SLC9A8: variants seen among roughly 807,000 people sequenced by gnomAD.
The protein encoded by SLC9A8 is solute carrier family 9 member A8.
A neutral mutation model predicts 66.6 loss-of-function variants in SLC9A8; 48 were observed. The ratio of observed to expected loss-of-function variants is 0.72; its 90% CI spans 0.57 to 0.92. The LOEUF (loss-of-function observed/expected upper bound fraction) is 0.92, where lower values mean the gene tolerates loss of function less well. Ranked by LOEUF, SLC9A8 falls within the 40% of genes least tolerant of loss-of-function variation. SLC9A8 has a pLI of 0.00. For missense variants in SLC9A8, 599 were observed against 747.3 expected, an observed-to-expected ratio of 0.80 and a Z score of 2.31; for synonymous variants, 274 against 282.6, an observed-to-expected ratio of 0.97 and a Z score of 0.31.
At chr20:49,868,214 T>G (rs2089054995) in intron 10 of SLC9A8, among the ~76,000 whole-genome samples, 1 of 152,076 alleles carries the variant, frequency 6.6e-6, no homozygotes, top group South Asian at 2.1e-4. Context: ...AATAAGGGAG[T>G]GTTTTTCTTA....
In SLC9A8 at chr20:49,812,908, TG is replaced by T; in HGVS notation, c.-13del. 1 of 1,491,780 alleles carries T rather than the reference TG, an allele frequency of 6.7e-7. No individual in the cohort carries two copies. The allele number at this position is 1,491,780 out of a possible 1,614,324, so 92.4% of individuals were successfully genotyped here. A position where few individuals can be genotyped will look rare whatever the true frequency, so the allele number is the denominator to read the frequency against. On this transcript the variant is annotated 5_prime_UTR_variant, in exon 1 of 16. Coordinates refer to ENST00000361573, the MANE Select transcript of SLC9A8 (RefSeq NM_015266.3). ...CCCGCGGCTCCGAACTCGGTGGTCC[TG>T]GAAGCTCCGCAGGATGGGGGAGAAG...
At chr20:49,850,487 G>A (rs895572246) in intron 6 of SLC9A8, among the ~76,000 whole-genome samples, 1 of 152,182 alleles carries the variant, frequency 6.6e-6, no homozygotes, top group Admixed American at 6.5e-5. Context: ...CTATATTGCA[G>A]CTTTGATGGC....
rs1303477369 is a variant in SLC9A8, at chr20:49,834,375, A to G, written c.290-5166A>G. Among the ~76,000 whole-genome samples the G allele has an allele frequency of 1.8e-4, 12 of 66,680 alleles. 1 individual carries two copies. The highest frequency in any genetic ancestry group is 1.4e-3 in the East Asian group (4 of 2,914). The allele number at this position is 66,680 out of a possible 152,430, so 43.7% of individuals were successfully genotyped here. ...GTATATATATATATACTGTGTATAT[A>G]TATATATACTGTGTATATATATATA... On this transcript the variant is annotated intron_variant, in intron 3 of 15. Transcript: ENST00000361573.
intron 13 of SLC9A8, 28 bp from the exon 14 acceptor site, chr20:49,883,818 T>G: frequency 2.5e-6 from 4 of 1,574,634 alleles, no homozygotes; most frequent in Non-Finnish European, 3.5e-6. Flanking sequence ...CTTCACTGTG[T>G]CCTCTCACAC....
chr20:49,861,741 G>A (rs1439848189), intron 8 of SLC9A8, among the ~76,000 whole-genome samples: 4 of 152,118 alleles, frequency 2.6e-5, no homozygotes, highest in Non-Finnish European at 2.9e-5. Context: ...TGGTGTAATG[G>A]TTTTATCTTT....
chr20:49,836,528 C>G (rs1461645022), intron 3 of SLC9A8, among the ~76,000 whole-genome samples: 1 of 152,104 alleles, frequency 6.6e-6, no homozygotes, highest in Non-Finnish European at 1.5e-5. Context: ...CGGGGTTTCA[C>G]CATGTTGTTC....
intron 13 of SLC9A8, among the ~76,000 whole-genome samples, chr20:49,882,253 A>G (rs1600812559): frequency 6.6e-6 from 1 of 151,718 alleles, no homozygotes; most frequent in Non-Finnish European, 1.5e-5. Flanking sequence ...CCACTTCTTC[A>G]CCGCCTGTCC....
rs934900451 is a variant in SLC9A8, at chr20:49,847,387, T to C, written c.433-2192T>C. ...GCATGTAAAGTTTTTCTTTTCTTTTTTTTTTTTTTTTTTAGAGGGGAGAGA... is the reference window on the plus strand; with the variant it reads ...GCATGTAAAGTTTTTCTTTTCTTTTCTTTTTTTTTTTTTAGAGGGGAGAGA... On this transcript the variant is annotated intron_variant, in intron 5 of 15. Transcript: ENST00000361573. Among the ~76,000 whole-genome samples, 70 of 150,834 alleles carry C rather than the reference T, an allele frequency of 4.6e-4. 1 individual carries two copies. The highest frequency in any genetic ancestry group is 1.5e-3 in the African/African-American group (61 of 41,384).
chr20:49,872,025 A>G (rs1013085453), intron 10 of SLC9A8, among the ~76,000 whole-genome samples: 4 of 152,174 alleles, frequency 2.6e-5, no homozygotes, highest in Non-Finnish European at 5.9e-5. Flanking sequence ...AGGTTGAGAC[A>G]GGAGAATCGC....
At chr20:49,851,181 C>T (rs868728776) in intron 7 of SLC9A8, among the ~76,000 whole-genome samples, 2 of 152,132 alleles carry the variant, frequency 1.3e-5, no homozygotes, top group South Asian at 2.1e-4. Flanking sequence ...TTTCAGTCGC[C>T]GTAACAAAAA....
intron 3 of SLC9A8, among the ~76,000 whole-genome samples, chr20:49,836,724 T>C (rs1250611477): frequency 6.6e-6 from 1 of 152,226 alleles, no homozygotes; most frequent in African/African-American, 2.4e-5. Flanking sequence ...GTAGAATTGC[T>C]GGGTCATAAG....
At position 49,845,657 on chromosome 20, in the gene SLC9A8, G is replaced by C. The variant is rs114613750; in HGVS notation, c.432+538G>C. On this transcript the variant is annotated intron_variant, in intron 5 of 15. Coordinates refer to ENST00000361573, the MANE Select transcript of SLC9A8 (RefSeq NM_015266.3). ...CTCTATCGCTCCTCGCCCACTCCCT[G>C]GTCCAGCTTCTCCTTCCCAGGCTGG... 3.1e-3 allele frequency among the ~76,000 whole-genome samples: 479 copies of C among 152,090 alleles called. 2 individuals carry two copies. The highest frequency in any genetic ancestry group is 0.011 in the African/African-American group (467 of 41,490).
intron 4 of SLC9A8, among the ~76,000 whole-genome samples, chr20:49,841,314 A>G (rs1348267383): frequency 1.3e-5 from 2 of 150,132 alleles, no homozygotes; most frequent in African/African-American, 2.4e-5. Context: ...CTGTCTCTAA[A>G]AAAAAAAAAA....
intron 8 of SLC9A8, among the ~76,000 whole-genome samples, chr20:49,860,742 A>G (rs565213718): frequency 6.6e-6 from 1 of 152,212 alleles, no homozygotes; most frequent in South Asian, 2.1e-4. Context: ...TAATAATAAA[A>G]TGATATCGAT....
intron 3 of SLC9A8, chr20:49,830,620 T>A: frequency 1.6e-6 from 1 of 616,190 alleles, no homozygotes; most frequent in Non-Finnish European, 2.9e-6. Context: ...AATCACAGAA[T>A]GTTGGTGATC....
chr20:49,842,603 C>A (rs2146575395), intron 4 of SLC9A8, among the ~76,000 whole-genome samples: 1 of 152,264 alleles, frequency 6.6e-6, no homozygotes, highest in Non-Finnish European at 1.5e-5. Context: ...CTGACTCTCT[C>A]AATCCATGAG....
chr20:49,870,520 A>T (rs1286571959), intron 10 of SLC9A8, among the ~76,000 whole-genome samples: 1 of 152,124 alleles, frequency 6.6e-6, no homozygotes, highest in African/African-American at 2.4e-5. Flanking sequence ...TGCTCCAGGA[A>T]GAGAAGGAAG....
intron 8 of SLC9A8, among the ~76,000 whole-genome samples, chr20:49,855,877 A>G (rs143813243): frequency 3.3e-5 from 5 of 152,114 alleles, no homozygotes; most frequent in East Asian, 1.9e-4. Flanking sequence ...TGCAGCTTCA[A>G]CCTCCTGGGT....
At chr20:49,814,283 G>A (rs1057299580) in intron 1 of SLC9A8, among the ~76,000 whole-genome samples, 9 of 152,118 alleles carry the variant, frequency 5.9e-5, no homozygotes, top group African/African-American at 2.2e-4. Context: ...AGTAAAAAAC[G>A]GAAAGTAATC....
Sources: allele counts gnomAD v4.1 joint callset (sites outside exome capture counted in the v4.1 genomes callset), GRCh38; gene constraint gnomAD v4.1.1; transcripts MANE v1.5; gene names NCBI Gene and HGNC (gene_info 2026-07-23, HGNC 2026-07-21).